Variants in RRBP1 observed in about 807,000 individuals in gnomAD.
RRBP1 encodes the protein ribosome binding protein 1.
RRBP1 carries 94 observed loss-of-function variants against 165.2 expected under a neutral mutation model. That is an observed-to-expected ratio of 0.57 (90% CI 0.48 to 0.68). The LOEUF is 0.68. Ranked by LOEUF, RRBP1 falls within the 30% of genes least tolerant of loss-of-function variation. The pLI, the probability that RRBP1 is intolerant of heterozygous loss-of-function variation, is 0.00. For missense variants in RRBP1, 1,676 were observed against 1,763.0 expected, an observed-to-expected ratio of 0.95 and a Z score of 0.88; for synonymous variants, 680 against 714.5, an observed-to-expected ratio of 0.95 and a Z score of 0.77.
chr20:17,649,585 G>A (rs950036536), intron 3 of RRBP1, among the ~76,000 whole-genome samples: 4 of 149,558 alleles, frequency 2.7e-5, no homozygotes, highest in African/African-American at 7.4e-5. Context: ...GAGGACAGGC[G>A]TGGGTGGGTG....
At chr20:17,625,923 C>T (rs1675085067) in intron 11 of RRBP1, among the ~76,000 whole-genome samples, 1 of 152,152 alleles carries the variant, frequency 6.6e-6, no homozygotes, top group Non-Finnish European at 1.5e-5. Context: ...GGGGCCCTCA[C>T]AGCTTTTCCC....
chr20:17,640,598 C>T (rs145975355), intron 5 of RRBP1, among the ~76,000 whole-genome samples: 10 of 152,194 alleles, frequency 6.6e-5, no homozygotes, highest in Non-Finnish European at 1.5e-4. Context: ...GGCCACGCAC[C>T]GTTAACCTTC....
chr20:17,656,530 C>G (rs191993385), intron 3 of RRBP1, among the ~76,000 whole-genome samples: 1 of 152,344 alleles, frequency 6.6e-6, no homozygotes, highest in Admixed American at 6.5e-5. Flanking sequence ...CCTAGATCAT[C>G]TGCTGAACGT....
chr20:17,647,531 G>T (rs1248696532), intron 3 of RRBP1, among the ~76,000 whole-genome samples: 1 of 152,204 alleles, frequency 6.6e-6, no homozygotes, highest in African/African-American at 2.4e-5. Flanking sequence ...AGGGGGATGC[G>T]GCTGGAAGCA....
intron 13 of RRBP1, chr20:17,622,850 G>C (rs764070952): frequency 2.0e-5 from 3 of 152,154 alleles, no homozygotes; most frequent in Non-Finnish European, 4.4e-5. Flanking sequence ...AACTCCACCT[G>C]GATCAGAGCT....
At chr20:17,677,212 C>A (rs2037099699) in intron 2 of RRBP1, among the ~76,000 whole-genome samples, 1 of 152,158 alleles carries the variant, frequency 6.6e-6, no homozygotes. Flanking sequence ...CCTAACAGAC[C>A]TTGTTTGCTT....
intron 23 of RRBP1, 104 bp from the exon 24 acceptor site, chr20:17,614,984 A>T (rs985354682): frequency 6.3e-5 from 84 of 1,337,696 alleles, no homozygotes; most frequent in Non-Finnish European, 8.4e-5. Flanking sequence ...CCCTCTGGGG[A>T]CACAAGGAAG....
At chr20:17,676,791 C>T (rs1280409175) in intron 2 of RRBP1, among the ~76,000 whole-genome samples, 2 of 152,164 alleles carry the variant, frequency 1.3e-5, no homozygotes, top group East Asian at 3.9e-4. Flanking sequence ...CACTCTGTCG[C>T]CTAGGCTGGA....
intron 2 of RRBP1, among the ~76,000 whole-genome samples, chr20:17,670,345 C>T (rs1358354880): frequency 2.0e-5 from 3 of 149,118 alleles, no homozygotes; most frequent in African/African-American, 7.4e-5. Context: ...TCCTACCATT[C>T]TTGTCAAGTT....
rs189390122 is a variant in RRBP1 at position 17,653,747 on chromosome 20, T to C, written c.1912+4849A>G. 2.0e-3 allele frequency among the ~76,000 whole-genome samples: 298 copies of C among 151,586 alleles called. 2 individuals carry two copies. Among genetic ancestry groups the C allele is most frequent in the African/African-American group, 7.0e-3 (290 of 41,246 alleles). On this transcript the variant is annotated intron_variant, in intron 3 of 24. Transcript: ENST00000377813. Reference sequence around the variant, plus strand: ...TACTTGGGAGGCTGAGGCAGGAGAATTGCTTAAACCCAAGAGGCAGAGGTT... The same window carrying C: ...TACTTGGGAGGCTGAGGCAGGAGAACTGCTTAAACCCAAGAGGCAGAGGTT...
chr20:17,627,455 G>C (rs751394259), intron 10 of RRBP1, 49 bp downstream of exon 10: 1 of 1,608,366 alleles, frequency 6.2e-7, no homozygotes, highest in Non-Finnish European at 8.5e-7. Context: ...CCACCCACCT[G>C]CTAGATGGAG....
At position 17,681,357 on chromosome 20, in the gene RRBP1, C is replaced by A. The variant is rs558648835; in HGVS notation, c.-99+671G>T. Among the ~76,000 whole-genome samples the A allele has an allele frequency of 9.7e-3, 1,431 of 147,870 alleles. 26 individuals carry two copies. The highest frequency in any genetic ancestry group is 0.033 in the African/African-American group (1,363 of 40,912). Reference sequence around the variant, plus strand: ...CTCCGGGAAGTTGCCACCGCGGCCGCCCGGCGTCCGTGCCATGGACAGACC... The same window carrying A: ...CTCCGGGAAGTTGCCACCGCGGCCGACCGGCGTCCGTGCCATGGACAGACC... On this transcript the variant is annotated intron_variant, in intron 1 of 24. Coordinates refer to ENST00000377813, the MANE Select transcript of RRBP1 (RefSeq NM_001365613.2).
chr20:17,617,388 A>T (rs1242390001), intron 20 of RRBP1, among the ~76,000 whole-genome samples: 1 of 152,174 alleles, frequency 6.6e-6, no homozygotes, highest in Non-Finnish European at 1.5e-5. Flanking sequence ...TAGAGGTTCC[A>T]ATTGGAGACC....
intron 2 of RRBP1, among the ~76,000 whole-genome samples, chr20:17,665,672 T>C (rs991674144): frequency 1.3e-5 from 2 of 152,246 alleles, no homozygotes; most frequent in Admixed American, 6.5e-5. Flanking sequence ...TTTAAAAATT[T>C]ATGCTGTCAC....
intron 1 of RRBP1, among the ~76,000 whole-genome samples, chr20:17,680,719 C>G (rs1276632894): frequency 6.6e-6 from 1 of 152,064 alleles, no homozygotes; most frequent in African/African-American, 2.4e-5. Context: ...GGGTGTAGAA[C>G]CCCGGCTGTG....
chr20:17,657,006 A>C (rs1382770971), intron 3 of RRBP1, among the ~76,000 whole-genome samples: 1 of 152,132 alleles, frequency 6.6e-6, no homozygotes, highest in Non-Finnish European at 1.5e-5. Context: ...TATTATCATC[A>C]CACTTCTGTT....
chr20:17,650,799 C>T (rs1383054966), intron 3 of RRBP1, among the ~76,000 whole-genome samples: 2 of 152,152 alleles, frequency 1.3e-5, no homozygotes, highest in Non-Finnish European at 2.9e-5. Context: ...AGTGTAACAC[C>T]CAGATGGTGA....
chr20:17,656,507 A>G (rs1445751921), intron 3 of RRBP1, among the ~76,000 whole-genome samples: 1 of 152,230 alleles, frequency 6.6e-6, no homozygotes, highest in Non-Finnish European at 1.5e-5. Context: ...TTATGAATAT[A>G]TGAACACACT....
At chr20:17,650,448 C>T (rs553345223) in intron 3 of RRBP1, among the ~76,000 whole-genome samples, 11 of 152,174 alleles carry the variant, frequency 7.2e-5, no homozygotes, top group Non-Finnish European at 1.3e-4. Context: ...AAAGCAGGCC[C>T]ACAGCCAAGA....
Sources: allele counts gnomAD v4.1 joint callset (sites outside exome capture counted in the v4.1 genomes callset), GRCh38; gene constraint gnomAD v4.1.1; transcripts MANE v1.5; gene names NCBI Gene and HGNC (gene_info 2026-07-23, HGNC 2026-07-21).